The following ZAN variants were observed in gnomAD, a reference collection of about 807,000 sequenced individuals.
The protein encoded by ZAN is zonadhesin, also known as zonadhesin (gene/pseudogene).
A neutral mutation model predicts 286.2 loss-of-function variants in ZAN; 260 were observed. The ratio of observed to expected loss-of-function variants is 0.91; its 90% CI spans 0.82 to 1.01. The LOEUF (loss-of-function observed/expected upper bound fraction) is 1.01. ZAN is among the 50% of genes least tolerant of loss of function. ZAN has a pLI of 0.00. For missense variants in ZAN, 3,410 were observed against 3,639.2 expected, an observed-to-expected ratio of 0.94 and a Z score of 1.62; for synonymous variants, 1,368 against 1,417.5, an observed-to-expected ratio of 0.97 and a Z score of 0.79.
intron 11 of ZAN, among the ~76,000 whole-genome samples, chr7:100,749,210 C>T (rs1178195141): frequency 5.3e-5 from 8 of 151,872 alleles, no homozygotes; most frequent in South Asian, 2.1e-4. Flanking sequence ...GGAGTGGTGG[C>T]GTGCACCTGT....
chr7:100,793,030 GAAATT>G (rs1480283222), intron 42 of ZAN, among the ~76,000 whole-genome samples: 2 of 129,880 alleles, frequency 1.5e-5, no homozygotes, highest in Non-Finnish European at 3.5e-5. Context: ...AAAAAAGAAA[GAAATT>G]AAAAAAAGAA....
intron 14 of ZAN, 149 bp downstream of exon 14, chr7:100,753,378 C>A (rs962603828): frequency 1.0e-6 from 1 of 990,670 alleles, no homozygotes. Context: ...TAGTCCATGG[C>A]GACTTCAGAG....
rs1444433264 is a variant in ZAN, at chr7:100,789,208, C to T, written c.7228-10C>T. On this transcript the variant is annotated splice_polypyrimidine_tract_variant and intron_variant, in intron 38 of 47. Transcript: ENST00000613979. ...CAGCCCTGTCTGTGGCTCCTGTCTT[C>T]CCTCTTTAGGTCAACAACCAGAAGA... is the stretch of plus-strand genomic sequence containing the variant. 1.1e-5 allele frequency: 18 copies of T among 1,611,368 alleles called. No individual in the cohort carries two copies. In the African/African-American group the frequency reaches 2.3e-4, roughly 20 times the overall value.
At chr7:100,782,316 T>C (rs1811245743) in intron 35 of ZAN, among the ~76,000 whole-genome samples, 1 of 151,336 alleles carries the variant, frequency 6.6e-6, no homozygotes, top group East Asian at 1.9e-4. Context: ...TACAAAAGAG[T>C]TTGCTGATTC....
At position 100,737,056 on chromosome 7, in the gene ZAN, C is replaced by T. The variant is rs766449119; in HGVS notation, c.501C>T (p.Pro167=). 22 of 1,497,636 alleles carry T rather than the reference C, an allele frequency of 1.5e-5. 3 individuals carry two copies. Among genetic ancestry groups the T allele is most frequent in the South Asian group, 7.0e-5 (6 of 85,742 alleles). The allele number at this position is 1,497,636 out of a possible 1,614,324, so 92.8% of individuals were successfully genotyped here. The change falls in exon 5 of 48, where the codon CCC becomes CCT. Residue 167 remains proline (P), a synonymous_variant. Coordinates refer to ENST00000613979, the MANE Select transcript of ZAN (RefSeq NM_003386.3). ...GGATGCTCACCACCGTCACTGTGCC[C>T]GCAGGGTTCACCCTGCCCACCCGGG... is the stretch of plus-strand genomic sequence containing the variant. ...PSWMLTTVTV[P]AGFTLPTRLM... is the part of the protein sequence containing the mutation.
intron 11 of ZAN, among the ~76,000 whole-genome samples, chr7:100,749,242 T>C (rs1808439749): frequency 6.6e-6 from 1 of 151,972 alleles, no homozygotes; most frequent in African/African-American, 2.4e-5. Flanking sequence ...CTCAGGAGGC[T>C]GAGGCAGGAG....
intron 6 of ZAN, 126 bp downstream of exon 6, chr7:100,737,475 G>A: frequency 1.6e-6 from 1 of 638,620 alleles, no homozygotes; most frequent in South Asian, 2.2e-5. Context: ...GGGAGGCCGA[G>A]GCGGGCGGAT....
rs549149333 is a variant in ZAN at position 100,768,472 on chromosome 7, A to G, written c.5042-138A>G. The stretch of plus-strand genomic sequence containing the variant: ...GGGTGTCAGAGCAAGACTCCATCTC[A>G]AAAAAGAAGAAAAAGAGACAGAAAG... On this transcript the variant is annotated intron_variant, in intron 26 of 47. Coordinates refer to ENST00000613979, the MANE Select transcript of ZAN (RefSeq NM_003386.3). 6 of 757,822 alleles carry G rather than the reference A, an allele frequency of 7.9e-6. No individual in the cohort carries two copies. In the East Asian group the frequency reaches 1.7e-4, roughly 21 times the overall value. 46.9% of individuals were successfully genotyped at this position (757,822 alleles called of 1,614,324 possible).
Position 100,744,869 on chromosome 7 carries a change from G to T in ZAN, c.767-1669G>T, listed in dbSNP as rs67764878. ...CTTCTGTTTCTCATAGGTCTCCTTGGTTTTTTTTTTGTTGTTGTTGTTTGT... is the reference window on the plus strand; with the variant it reads ...CTTCTGTTTCTCATAGGTCTCCTTGTTTTTTTTTTTGTTGTTGTTGTTTGT... On this transcript the variant is annotated intron_variant, in intron 7 of 47. Coordinates refer to ENST00000613979, the MANE Select transcript of ZAN (RefSeq NM_003386.3). Among the ~76,000 whole-genome samples the T allele has an allele frequency of 5.4e-4, 76 of 141,998 alleles. 1 individual carries two copies. Among genetic ancestry groups the T allele is most frequent in the South Asian group, 8.9e-4 (4 of 4,476 alleles). The allele number at this position is 141,998 out of a possible 152,430, so 93.2% of individuals were successfully genotyped here.
intron 19 of ZAN, 60 bp from the exon 20 acceptor site, chr7:100,762,155 C>A (rs1809628449): frequency 3.1e-6 from 5 of 1,599,670 alleles, no homozygotes; most frequent in Non-Finnish European, 3.4e-6. Context: ...TCTGCCACTG[C>A]CCCTCGAGGA....
chr7:100,763,869 G>A lies in ZAN; in HGVS notation c.4050G>A (p.Ser1350=), dbSNP rs573564140. Residue 1350 remains serine (S), a synonymous_variant, in exon 21 of 48, where the codon TCG becomes TCA. Coordinates refer to ENST00000613979, the MANE Select transcript of ZAN (RefSeq NM_003386.3). This position sits in a 1 kb window ranked among gnomAD's most constrained non-coding sequence, Gnocchi z 4.6. ...SCDSSLQSSM[S]GPGFCGRLVD... ...ATTCATCTCTGCAGAGCAGCATGTCGGGGCCAGGGTTCTGTGGACGGCTGG... is the reference window on the plus strand; with the variant it reads ...ATTCATCTCTGCAGAGCAGCATGTCAGGGCCAGGGTTCTGTGGACGGCTGG... The A allele has an allele frequency of 3.2e-5, 51 of 1,614,036 alleles. No homozygotes were observed. Among genetic ancestry groups the A allele is most frequent in the Admixed American group, 6.7e-5 (4 of 60,022 alleles).
Position 100,768,028 on chromosome 7 carries a change from C to T in ZAN, c.5041+17C>T, listed in dbSNP as rs1562939801. Reference sequence around the variant, plus strand: ...GGCTGTGTGGTGAGTTTCCTGGGCACCTGCGGGGAAAGCTGGGACAATGAG... The same window carrying T: ...GGCTGTGTGGTGAGTTTCCTGGGCATCTGCGGGGAAAGCTGGGACAATGAG... On this transcript the variant is annotated intron_variant, in intron 26 of 47. Coordinates refer to ENST00000613979, the MANE Select transcript of ZAN (RefSeq NM_003386.3). 4 of 1,603,520 alleles carry T rather than the reference C, an allele frequency of 2.5e-6. No individual in the cohort carries two copies. The highest frequency in any genetic ancestry group is 2.2e-5 in the South Asian group (2 of 89,172).
In ZAN at chr7:100,736,963, G is replaced by A. The variant is rs1176444554; in HGVS notation, c.408G>A (p.Leu136=). 3 of 1,504,242 alleles carry A rather than the reference G, an allele frequency of 2.0e-6. No individual in the cohort carries two copies. Among genetic ancestry groups the A allele is most frequent in the Non-Finnish European group, 2.7e-6 (3 of 1,098,562 alleles). The allele number at this position is 1,504,242 out of a possible 1,614,324, so 93.2% of individuals were successfully genotyped here. A position where few individuals can be genotyped will look rare whatever the true frequency, so the allele number is the denominator to read the frequency against. Residue 136 remains leucine, a synonymous_variant, in exon 5 of 48, where the codon CTG becomes CTA. Transcript: ENST00000613979. ...LSWGAQLRLL[L]LSGEEGRRPD... The stretch of plus-strand genomic sequence containing the variant: ...GGGGCGCCCAGCTCAGGCTGCTGCT[G>A]CTCTCGGGTGAAGAGGGCCGCCGCC...
rs776355436 is a variant in ZAN at position 100,736,915 on chromosome 7, C to T, written c.360C>T (p.Ala120=). Residue 120 remains alanine (A), a synonymous_variant, in exon 5 of 48, where the codon GCC becomes GCT. Transcript: ENST00000613979. ...WEQGPLCVHF[A]HHMFGLSWGA... ...AAGGCCCCCTCTGTGTGCACTTTGC[C>T]CACCACATGTTCGGGCTGTCTTGGG... The T allele has an allele frequency of 1.3e-6, 2 of 1,495,746 alleles. No individual in the cohort carries two copies. The highest frequency in any genetic ancestry group is 1.8e-6 in the Non-Finnish European group (2 of 1,093,994). 92.7% of individuals were successfully genotyped at this position (1,495,746 alleles called of 1,614,324 possible). A position where few individuals can be genotyped will look rare whatever the true frequency, so the allele number is the denominator to read the frequency against.
rs555262560 is a variant in ZAN at position 100,765,510 on chromosome 7, C to T, written c.4426C>T (p.Arg1476Cys). The change falls in exon 23 of 48, where the codon CGC (arginine) becomes TGC (cysteine). Residue 1476 changes from arginine to cysteine, a missense_variant. Coordinates refer to ENST00000613979, the MANE Select transcript of ZAN (RefSeq NM_003386.3). ...CCTCAGTGGCCTCGAGTGCATACCT[C>T]GCTCCCAGTGTGGGTGCCTCCACCC... is the stretch of plus-strand genomic sequence containing the variant. ...FVLSGLECIPRSQCGCLHPAG... is the reference protein window; with the variant it reads ...FVLSGLECIPCSQCGCLHPAG... 2.2e-5 allele frequency: 36 copies of T among 1,611,362 alleles called. No homozygotes were observed. Among genetic ancestry groups the T allele is most frequent in the East Asian group, 2.2e-4 (10 of 44,790 alleles).
chr7:100,757,160 T>G (rs1161734330), intron 15 of ZAN, among the ~76,000 whole-genome samples: 9 of 143,654 alleles, frequency 6.3e-5, no homozygotes, highest in South Asian at 2.1e-4. Context: ...TTTTTTGGGG[T>G]TTTTTTTTTG....
intron 15 of ZAN, among the ~76,000 whole-genome samples, chr7:100,755,854 A>C (rs1363449801): frequency 6.6e-6 from 1 of 152,098 alleles, no homozygotes. Flanking sequence ...TTATAGGCAT[A>C]AGTCACCGTG....
Position 100,735,772 on chromosome 7 carries a change from T to C in ZAN, c.106T>C (p.Tyr36His), listed in dbSNP as rs1312739277. Residue 36 changes from tyrosine to histidine, a missense_variant and splice_region_variant, in exon 3 of 48, where the codon TAT (tyrosine) becomes CAT (histidine). Physicochemically the swap from Tyr to His is moderately conservative, Grantham distance 83. Coordinates refer to ENST00000613979, the MANE Select transcript of ZAN (RefSeq NM_003386.3). Reference sequence around the variant, plus strand: ...GGTTGTTCGCAGCTCTAGGGACAACTGTGAGTTGGAAACCAGGAGTGCTAA... The same window carrying C: ...GGTTGTTCGCAGCTCTAGGGACAACCGTGAGTTGGAAACCAGGAGTGCTAA... ...KLVVRSSRDN[Y>H]VLTQCDFEDD... 3 of 1,498,072 alleles carry C rather than the reference T, an allele frequency of 2.0e-6. 1 individual carries two copies. In the African/African-American group the frequency reaches 4.3e-5, roughly 21 times the overall value. 92.8% of individuals were successfully genotyped at this position (1,498,072 alleles called of 1,614,324 possible).
intron 40 of ZAN, among the ~76,000 whole-genome samples, chr7:100,791,563 C>T (rs776855969): frequency 5.3e-5 from 8 of 151,534 alleles, no homozygotes; most frequent in Admixed American, 1.3e-4. Flanking sequence ...TGGGCCACCA[C>T]GCTCAGCTAA....
Sources: gnomAD v4.1 joint callset for allele counts (sites outside exome capture counted in the v4.1 genomes callset) on GRCh38, gnomAD v4.1.1 for gene constraint, Gnocchi (gnomAD v3.1) non-coding constraint, MANE v1.5 for transcripts, NCBI Gene and HGNC (gene_info 2026-07-23, HGNC 2026-07-21) for gene names.